Variants in GNG7 observed in about 807,000 individuals in gnomAD.
The protein encoded by GNG7 is G protein subunit gamma 7.
In GNG7, 1 loss-of-function variant was observed where a neutral mutation model predicts 4.0. The ratio of observed to expected loss-of-function variants is 0.25; its 90% confidence interval spans 0.09 to 1.18. The LOEUF (loss-of-function observed/expected upper bound fraction) is 1.18. Among genes scored for constraint, GNG7 ranks in the 50% most tolerant of loss-of-function variants. GNG7 has a pLI of 0.50. For synonymous variants in GNG7, 34 were observed against 36.9 expected (o/e 0.92, Z 0.29); for missense variants, 86 against 91.9 (o/e 0.94, Z 0.26).
rs1599424418 is a variant in GNG7, at chr19:2,617,779, T to C, written c.-78+28445A>G. Among the ~76,000 whole-genome samples the C allele has an allele frequency of 6.6e-6, 1 of 151,486 alleles. No individual in the cohort carries two copies. On this transcript the variant is annotated intron_variant, in intron 2 of 4. Coordinates refer to ENST00000382159, the MANE Select transcript of GNG7 (RefSeq NM_052847.3). The surrounding 1 kb of genome is among the most constrained non-coding windows in gnomAD (Gnocchi z 4.7). ...TGTTGCCCAGGCTGGAGTGCAGTGG[T>C]GCAGTCACAGCTCACCGCAACCTCA...
chr19:2,643,000 G>A (rs1013478276), intron 2 of GNG7: 8 of 452,338 alleles, frequency 1.8e-5, no homozygotes, highest in African/African-American at 1.2e-4. Context: ...CCCTCTCCGG[G>A]CTCTACACAC....
intron 1 of GNG7, among the ~76,000 whole-genome samples, chr19:2,697,388 C>G (rs1054510534): frequency 5.9e-5 from 9 of 152,018 alleles, no homozygotes; most frequent in Admixed American, 4.6e-4. Flanking sequence ...CCACTCACGC[C>G]GCAGGATGGG....
chr19:2,513,597 T>C lies in GNG7; in HGVS notation c.*1425A>G. The stretch of plus-strand genomic sequence containing the variant: ...CCTGCGTCTAAGGCATCTCCCGGCC[T>C]CAGACAGCCGTCCTGGGTTGCACGG... On this transcript the variant is annotated 3_prime_UTR_variant, in exon 5 of 5. Coordinates refer to ENST00000382159, the MANE Select transcript of GNG7 (RefSeq NM_052847.3). 1 of 985,408 alleles carries C rather than the reference T, an allele frequency of 1.0e-6. No homozygotes were observed. Among genetic ancestry groups the C allele is most frequent in the Non-Finnish European group, 1.2e-6 (1 of 829,920 alleles). The allele number at this position is 985,408 out of a possible 1,614,324, so 61.0% of individuals were successfully genotyped here.
At position 2,609,784 on chromosome 19, in the gene GNG7, T is replaced by A. The variant is rs1423308451; in HGVS notation, c.-78+36440A>T. 6.6e-6 allele frequency among the ~76,000 whole-genome samples: 1 copy of A among 152,154 alleles called. No homozygotes were observed. The highest frequency in any genetic ancestry group is 1.5e-5 in the Non-Finnish European group (1 of 68,002). On this transcript the variant is annotated intron_variant, in intron 2 of 4. Transcript: ENST00000382159. The surrounding 1 kb of genome is among the most constrained non-coding windows in gnomAD (Gnocchi z 4.4). ...GTCCCCAGAGCTCACAGCTGCAGAC[T>A]GGCCACCGTAGGACAATCCAGTGGG...
chr19:2,542,881 CTTTTTTT>C (rs60152060), intron 3 of GNG7, among the ~76,000 whole-genome samples: 10 of 118,338 alleles, frequency 8.5e-5, no homozygotes, highest in East Asian at 2.4e-4. Context: ...TGCTGTTTTC[CTTTTTTT>C]TTTTTTTTTT....
chr19:2,567,145 A>C (rs1183790692), intron 2 of GNG7, among the ~76,000 whole-genome samples: 51 of 123,186 alleles, frequency 4.1e-4, no homozygotes, highest in African/African-American at 1.3e-3. Flanking sequence ...AAAAAAAACA[A>C]AAAAAAAAAC....
chr19:2,650,970 T>C (rs1982796420), intron 1 of GNG7, among the ~76,000 whole-genome samples: 1 of 152,148 alleles, frequency 6.6e-6, no homozygotes, highest in Non-Finnish European at 1.5e-5. Context: ...AGCCCGGCTT[T>C]AAACCCAGCT....
rs989255260 is a variant in GNG7 at position 2,514,697 on chromosome 19, T to G, written c.*325A>C. 7 of 193,222 alleles carry G rather than the reference T, an allele frequency of 3.6e-5. No individual in the cohort carries two copies. Among genetic ancestry groups the G allele is most frequent in the Non-Finnish European group, 6.4e-5 (6 of 93,352 alleles). The allele number at this position is 193,222 out of a possible 1,614,324, so 12.0% of individuals were successfully genotyped here. A position where few individuals can be genotyped will look rare whatever the true frequency, so the allele number is the denominator to read the frequency against. Reference sequence around the variant, plus strand: ...ACGGCAATCGAGAGTTTTAAAAAATTGTTACCCCATCGCTGGGGGATTTCA... The same window carrying G: ...ACGGCAATCGAGAGTTTTAAAAAATGGTTACCCCATCGCTGGGGGATTTCA... On this transcript the variant is annotated 3_prime_UTR_variant, in exon 5 of 5. Coordinates refer to ENST00000382159, the MANE Select transcript of GNG7 (RefSeq NM_052847.3).
At chr19:2,646,020 C>T (rs1410110125) in intron 2 of GNG7, among the ~76,000 whole-genome samples, 13 of 152,110 alleles carry the variant, frequency 8.5e-5, no homozygotes, top group Non-Finnish European at 1.2e-4. Flanking sequence ...TTCCCTGCCT[C>T]GTGGGCGGGA....
At position 2,633,099 on chromosome 19, in the gene GNG7, G is replaced by A. The variant is rs1982205395; in HGVS notation, c.-78+13125C>T. 6.6e-6 allele frequency among the ~76,000 whole-genome samples: 1 copy of A among 152,254 alleles called. No homozygotes were observed. The highest frequency in any genetic ancestry group is 6.5e-5 in the Admixed American group (1 of 15,288). On this transcript the variant is annotated intron_variant, in intron 2 of 4. Transcript: ENST00000382159. This position sits in a 1 kb window ranked among gnomAD's most constrained non-coding sequence, Gnocchi z 5.9. ...GCGGCACCGGGAGTGTCTGCGCAGA[G>A]ATCCGAGGGTGTTAGCCTGGCAGGG... is the stretch of plus-strand genomic sequence containing the variant.
chr19:2,702,021 A>T (rs1385260246), intron 1 of GNG7, among the ~76,000 whole-genome samples: 1 of 86,996 alleles, frequency 1.1e-5, no homozygotes. Context: ...CAATTCCACC[A>T]CCAGCCCCTT....
At chr19:2,652,533 C>A (rs1294657807) in intron 1 of GNG7, among the ~76,000 whole-genome samples, 1 of 152,082 alleles carries the variant, frequency 6.6e-6, no homozygotes, top group Non-Finnish European at 1.5e-5. Context: ...GCAGGAGAAT[C>A]GCTTGAACCC....
chr19:2,608,316 GAA>G (rs113405422), intron 2 of GNG7, among the ~76,000 whole-genome samples: 9 of 144,652 alleles, frequency 6.2e-5, no homozygotes, highest in Non-Finnish European at 9.1e-5. Context: ...TTGCCCCTGG[GAA>G]AAAAAAAAAA....
chr19:2,520,841 GGGT>G, intron 3 of GNG7, 116 bp from the exon 4 acceptor site: 1 of 596,602 alleles, frequency 1.7e-6, no homozygotes, highest in Non-Finnish European at 3.0e-6. Context: ...CTTTGCCTCT[GGGT>G]GGGGACCAGG....
chr19:2,646,829 C>CT (rs1982679125), intron 1 of GNG7, among the ~76,000 whole-genome samples: 1 of 152,208 alleles, frequency 6.6e-6, no homozygotes, highest in Non-Finnish European at 1.5e-5. Flanking sequence ...TTCTACGGCT[C>CT]TTCACAGTTT....
At chr19:2,592,895 AGG>A (rs1368120869) in intron 2 of GNG7, among the ~76,000 whole-genome samples, 4 of 136,482 alleles carry the variant, frequency 2.9e-5, no homozygotes, top group African/African-American at 1.2e-4. Flanking sequence ...AAGAAAACGA[AGG>A]AAGGAAGGAA....
intron 2 of GNG7, among the ~76,000 whole-genome samples, chr19:2,630,328 G>A (rs1010426996): frequency 6.6e-6 from 1 of 152,152 alleles, no homozygotes; most frequent in African/African-American, 2.4e-5. Flanking sequence ...TGGACATGAT[G>A]AGATATCACT....
At chr19:2,612,572 G>A (rs896974357) in intron 2 of GNG7, among the ~76,000 whole-genome samples, 1 of 151,882 alleles carries the variant, frequency 6.6e-6, no homozygotes, top group African/African-American at 2.4e-5. Context: ...TCCTGGAAAT[G>A]TTTTAAAATC....
intron 2 of GNG7, among the ~76,000 whole-genome samples, chr19:2,592,542 C>A (rs1461207367): frequency 6.7e-6 from 1 of 149,126 alleles, no homozygotes; most frequent in East Asian, 1.9e-4. Context: ...CATGACCAGC[C>A]TGGGAAACAT....
Sources: gnomAD v4.1 joint callset for allele counts (sites outside exome capture counted in the v4.1 genomes callset) on GRCh38, gnomAD v4.1.1 for gene constraint, Gnocchi (gnomAD v3.1) non-coding constraint, MANE v1.5 for transcripts, NCBI Gene and HGNC (gene_info 2026-07-23, HGNC 2026-07-21) for gene names.